Variants in CXorf38 observed in about 807,000 individuals in gnomAD.
The protein encoded by CXorf38 is uncharacterized protein CXorf38.
CXorf38 carries 13 observed loss-of-function variants against 27.5 expected under a neutral mutation model. That is an observed-to-expected ratio of 0.47 (90% confidence interval 0.31 to 0.75). The LOEUF is 0.75. Ranked by LOEUF, CXorf38 falls within the 30% of genes least tolerant of loss-of-function variation. The probability of loss-of-function intolerance (pLI) is 0.05; values close to 1 mark genes in which losing one functional copy is unlikely to be tolerated. For missense variants in CXorf38, 240 were observed against 253.2 expected, an observed-to-expected ratio of 0.95 and a Z score of 0.35; for synonymous variants, 100 against 99.8, an observed-to-expected ratio of 1.00 and a Z score of -0.01.
In CXorf38 at chrX:40,643,311, A is replaced by G. The variant is rs1284962986; in HGVS notation, c.351+3696T>C. Among the ~76,000 whole-genome samples the G allele has an allele frequency of 4.5e-5, 5 of 111,503 alleles. No individual in the cohort carries two copies. The East Asian group carries it at 1.1e-3, about 25-fold the overall frequency. On this transcript the variant is annotated intron_variant, in intron 2 of 6. Coordinates refer to ENST00000327877, the MANE Select transcript of CXorf38 (RefSeq NM_144970.3). Reference sequence around the variant, plus strand: ...TGAGATATAATTCACCCATCTACACATTATAATTCAGTGGTTTCCAGCATA... The same window carrying G: ...TGAGATATAATTCACCCATCTACACGTTATAATTCAGTGGTTTCCAGCATA...
At chrX:40,630,897 G>C (rs1333842924) in intron 5 of CXorf38, 124 bp from the exon 6 acceptor site, 1 of 591,174 alleles carries the variant, frequency 1.7e-6, no homozygotes, top group East Asian at 3.6e-5. Context: ...AGAAATCTTG[G>C]CTACAGGCAT....
At position 40,637,093 on chromosome X, in the gene CXorf38, G is replaced by C. The variant is rs771435510; in HGVS notation, c.535C>G (p.Arg179Gly). The change falls in exon 4 of 7, where the codon CGA becomes GGA. Residue 179 changes from arginine to glycine, a missense_variant. Coordinates refer to ENST00000327877, the MANE Select transcript of CXorf38 (RefSeq NM_144970.3). ...TTTTGGATCTTCATCTGAAAATCTC[G>C]AAGCCACGTAGAAGATACTTTCATC... The part of the protein sequence containing the change: ...SEMKVSSTWL[R>G]DFQMKIQNFL... 1 of 1,203,279 alleles carries C rather than the reference G, an allele frequency of 8.3e-7. No individual in the cohort carries two copies. Among genetic ancestry groups the C allele is most frequent in the Non-Finnish European group, 1.1e-6 (1 of 888,809 alleles).
intron 2 of CXorf38, among the ~76,000 whole-genome samples, chrX:40,643,286 T>G (rs910713634): frequency 1.8e-5 from 2 of 109,861 alleles, no homozygotes; most frequent in South Asian, 7.7e-4. Flanking sequence ...ACAGCTTTCT[T>G]GAGATATAAT....
At chrX:40,638,926 C>T in intron 3 of CXorf38, 83 bp downstream of exon 3, 1 of 1,089,654 alleles carries the variant, frequency 9.2e-7, no homozygotes, top group Non-Finnish European at 1.2e-6. Flanking sequence ...GTTGGCTTAG[C>T]ATCACAGGTG....
chrX:40,635,303 G>A (rs1444827272), intron 5 of CXorf38, among the ~76,000 whole-genome samples: 1 of 113,244 alleles, frequency 8.8e-6, no homozygotes, highest in Non-Finnish European at 1.9e-5. Flanking sequence ...AAAACCAGGG[G>A]TACCAAGCCC....
intron 5 of CXorf38, among the ~76,000 whole-genome samples, chrX:40,633,780 C>T (rs1474392361): frequency 1.8e-5 from 2 of 112,043 alleles, no homozygotes; most frequent in African/African-American, 3.2e-5. Flanking sequence ...ATTTTAAAGT[C>T]TGTGAAAATT....
chrX:40,641,509 T>A (rs995519125), intron 2 of CXorf38, among the ~76,000 whole-genome samples: 3 of 111,492 alleles, frequency 2.7e-5, no homozygotes. Context: ...CAACTCAGCC[T>A]CCCAAGTACC....
chrX:40,637,035 A>G lies in CXorf38; in HGVS notation c.593T>C (p.Ile198Thr), dbSNP rs1251843759. ...TTCTATTCTGGAGTATACTGCCACA[A>G]TCTCTGGGATGTTCTTGAATTCATT... The part of the protein sequence containing the change: ...FLNEFKNIPE[I>T]VAVYSRIEQL... Residue 198 changes from isoleucine (I) to threonine (T), a missense_variant, in exon 4 of 7, where the codon ATT (isoleucine) becomes ACT (threonine). Ile to Thr is a moderately conservative substitution (Grantham distance 89). Transcript: ENST00000327877. The G allele has an allele frequency of 1.7e-6, 2 of 1,204,924 alleles. No individual in the cohort carries two copies. The highest frequency in any genetic ancestry group is 2.2e-6 in the Non-Finnish European group (2 of 892,476).
At chrX:40,636,983 A>G (rs1449344485) in intron 4 of CXorf38, 24 bp downstream of exon 4, 2 of 1,143,697 alleles carry the variant, frequency 1.7e-6, no homozygotes, top group Non-Finnish European at 2.3e-6. Context: ...TCTGTATGCC[A>G]GAACTATTAA....
chrX:40,632,522 G>A (rs116431794), intron 5 of CXorf38, among the ~76,000 whole-genome samples: 251 of 111,745 alleles, frequency 2.2e-3, no homozygotes, highest in African/African-American at 7.7e-3. Context: ...CTCTTGAAAT[G>A]TGCTTAAGAG....
rs1928078094 is a variant in CXorf38, at chrX:40,636,581, A to C, written c.753T>G (p.Leu251=). 6 of 1,204,543 alleles carry C rather than the reference A, an allele frequency of 5.0e-6. No homozygotes were observed. Among genetic ancestry groups the C allele is most frequent in the Non-Finnish European group, 6.7e-6 (6 of 890,436 alleles). Reference sequence around the variant, plus strand: ...CTTCTGCTTGAAGATATATCTCTTGAAGTTTCTCCTTTAGTAACTGCATTT... The same window carrying C: ...CTTCTGCTTGAAGATATATCTCTTGCAGTTTCTCCTTTAGTAACTGCATTT... ...EIEMQLLKEK[L]QEIYLQAEEQ... The change falls in exon 5 of 7, where the codon CTT becomes CTG. Residue 251 remains leucine, a synonymous_variant. Transcript: ENST00000327877.
rs1402193157 is a variant in CXorf38, at chrX:40,628,598, A to T, written c.*1566T>A. ...ATGACTTTAGGGGTAAAAGGTATAG[A>T]AGAAGCATGAACGAATGTGTGAATT... is the stretch of plus-strand genomic sequence containing the variant. On this transcript the variant is annotated 3_prime_UTR_variant, in exon 7 of 7. Transcript: ENST00000327877. The T allele has an allele frequency of 2.7e-5, 3 of 112,589 alleles. No homozygotes were observed. Among genetic ancestry groups the T allele is most frequent in the African/African-American group, 9.7e-5 (3 of 30,931 alleles). 9.3% of individuals were successfully genotyped at this position (112,589 alleles called of 1,213,427 possible).
chrX:40,630,745 T>C lies in CXorf38; in HGVS notation c.830A>G (p.Glu277Gly). 8.3e-7 allele frequency: 1 copy of C among 1,210,735 alleles called. No individual in the cohort carries two copies. Among genetic ancestry groups the C allele is most frequent in the Non-Finnish European group, 1.1e-6 (1 of 894,807 alleles). The change falls in exon 6 of 7, where the codon GAA (glutamate) becomes GGA (glycine). Residue 277 changes from glutamate to glycine, a missense_variant. By Grantham distance (98) the Glu-to-Gly change is moderately conservative (BLOSUM62 -2). Transcript: ENST00000327877. ...ELSNRLEVVK[E>G]FLRNNEDLRN... Reference sequence around the variant, plus strand: ...AAGATCCTCATTGTTTCTCAGAAATTCCTTCACCACTTCCAGTCGATTTGA... The same window carrying C: ...AAGATCCTCATTGTTTCTCAGAAATCCCTTCACCACTTCCAGTCGATTTGA...
intron 3 of CXorf38, among the ~76,000 whole-genome samples, chrX:40,637,383 C>T (rs1022526459): frequency 1.8e-5 from 2 of 111,625 alleles, no homozygotes; most frequent in Admixed American, 1.9e-4. Flanking sequence ...CAAGTTGGAT[C>T]CACATTTAGT....
At chrX:40,643,633 C>A (rs1388725692) in intron 2 of CXorf38, among the ~76,000 whole-genome samples, 1 of 111,165 alleles carries the variant, frequency 9.0e-6, no homozygotes, top group East Asian at 2.8e-4. Flanking sequence ...CTCAGCCTCG[C>A]GAGTAGCTGG....
chrX:40,634,949 G>A (rs1271939096), intron 5 of CXorf38, among the ~76,000 whole-genome samples: 2 of 112,151 alleles, frequency 1.8e-5, no homozygotes, highest in Non-Finnish European at 3.8e-5. Context: ...ACAGCTGCCA[G>A]CTCCTCATTA....
At chrX:40,640,895 G>T (rs1928288340) in intron 2 of CXorf38, among the ~76,000 whole-genome samples, 1 of 95,402 alleles carries the variant, frequency 1.0e-5, no homozygotes, top group African/African-American at 4.0e-5. Flanking sequence ...AGCCAAGATT[G>T]CTCCACTACT....
chrX:40,630,619 G>A lies in CXorf38; in HGVS notation c.956C>T (p.Ala319Val). The stretch of plus-strand genomic sequence containing the variant: ...CATCATCTGCCTGAACTCACCTCAG[G>A]CCTTCCTGTCAGGTGTTTGTCTCCC... The part of the protein sequence containing the change: ...EPGRQTPDRK[A>V] The change falls in exon 6 of 7, where the codon GCC becomes GTC. Residue 319 changes from alanine to valine, a missense_variant. Coordinates refer to ENST00000327877, the MANE Select transcript of CXorf38 (RefSeq NM_144970.3). The A allele has an allele frequency of 8.3e-7, 1 of 1,208,241 alleles. No homozygotes were observed. Among genetic ancestry groups the A allele is most frequent in the South Asian group, 1.8e-5 (1 of 56,257 alleles).
intron 2 of CXorf38, among the ~76,000 whole-genome samples, chrX:40,642,528 G>A (rs1411934258): frequency 8.9e-6 from 1 of 111,911 alleles, no homozygotes; most frequent in Admixed American, 9.4e-5. Context: ...TGGGAGGAAA[G>A]CCAAGAGGGT....
Sources: allele counts gnomAD v4.1 joint callset (sites outside exome capture counted in the v4.1 genomes callset), GRCh38; gene constraint gnomAD v4.1.1; transcripts MANE v1.5; gene names NCBI Gene and HGNC (gene_info 2026-07-23, HGNC 2026-07-21).